OPHN1: variants seen among roughly 807,000 people sequenced by gnomAD.
The protein encoded by OPHN1 is oligophrenin-1.
In OPHN1, 11 loss-of-function variants were observed where a neutral mutation model predicts 60.7. The ratio of observed to expected loss-of-function variants is 0.18; its 90% CI spans 0.11 to 0.30. OPHN1 has a LOEUF of 0.30. Among genes scored for constraint, OPHN1 ranks in the 10% least tolerant of loss-of-function variants. The pLI, the probability that OPHN1 is intolerant of heterozygous loss-of-function variation, is 1.00. For synonymous variants in OPHN1, 226 were observed against 222.6 expected (o/e 1.02, Z -0.14); for missense variants, 449 against 611.0 (o/e 0.73, Z 2.80).
At chrX:68,410,548 T>C (rs2078764235) in intron 2 of OPHN1, among the ~76,000 whole-genome samples, 1 of 103,785 alleles carries the variant, frequency 9.6e-6, no homozygotes, top group South Asian at 4.3e-4. Flanking sequence ...GATGACAGAC[T>C]GAGACTCCAC....
chrX:68,219,562 G>C (rs376463542), intron 6 of OPHN1, among the ~76,000 whole-genome samples: 1 of 110,071 alleles, frequency 9.1e-6, no homozygotes, highest in African/African-American at 3.3e-5. Flanking sequence ...TAAAAGAACA[G>C]AAATTATAAC....
chrX:68,410,054 C>T (rs1014598578), intron 2 of OPHN1, among the ~76,000 whole-genome samples: 4 of 111,707 alleles, frequency 3.6e-5, no homozygotes, highest in African/African-American at 1.3e-4. Context: ...GCAAATCCAA[C>T]ATTTTTATGA....
At chrX:68,087,009 A>T (rs2076998325) in intron 19 of OPHN1, among the ~76,000 whole-genome samples, 2 of 112,461 alleles carry the variant, frequency 1.8e-5, no homozygotes, top group Middle Eastern at 4.2e-3. Flanking sequence ...TTTTAAGTTT[A>T]AAAATAACTC....
At chrX:68,098,444 A>G (rs1254944361) in intron 18 of OPHN1, among the ~76,000 whole-genome samples, 1 of 111,343 alleles carries the variant, frequency 9.0e-6, no homozygotes, top group Non-Finnish European at 1.9e-5. Flanking sequence ...TGACTACCCG[A>G]AACACTCACT....
At chrX:68,210,729 G>A (rs1269075010) in intron 8 of OPHN1, among the ~76,000 whole-genome samples, 3 of 111,909 alleles carry the variant, frequency 2.7e-5, no homozygotes, top group East Asian at 2.8e-4. Flanking sequence ...TAAAATATAC[G>A]AGAGGGTGCT....
At chrX:68,103,170 T>G (rs2077066870) in intron 18 of OPHN1, among the ~76,000 whole-genome samples, 1 of 111,710 alleles carries the variant, frequency 9.0e-6, no homozygotes, top group Non-Finnish European at 1.9e-5. Context: ...ATCAAAAAGC[T>G]TATCCACCAC....
chrX:68,212,297 C>T lies in OPHN1; in HGVS notation c.598-85G>A. ...GAAACATGAACTCACCAAAAAACTC[C>T]ATGGTGTGGCTGGGTGTGGTGGCTT... On this transcript the variant is annotated intron_variant, in intron 7 of 24. Coordinates refer to ENST00000355520, the MANE Select transcript of OPHN1 (RefSeq NM_002547.3). 5.9e-6 allele frequency: 4 copies of T among 674,100 alleles called. 1 individual carries two copies. Among genetic ancestry groups the T allele is most frequent in the Admixed American group, 5.3e-5 (2 of 37,463 alleles). 55.6% of individuals were successfully genotyped at this position (674,100 alleles called of 1,213,427 possible).
chrX:68,379,907 G>T (rs1473805634), intron 2 of OPHN1, among the ~76,000 whole-genome samples: 1 of 109,099 alleles, frequency 9.2e-6, no homozygotes, highest in Non-Finnish European at 1.9e-5. Context: ...TTGTGTCTCT[G>T]CCCGGCTTTG....
intron 15 of OPHN1, among the ~76,000 whole-genome samples, chrX:68,131,321 C>G: frequency 9.1e-6 from 1 of 109,426 alleles, no homozygotes; most frequent in Middle Eastern, 4.2e-3. Flanking sequence ...CAGGTTCAAG[C>G]GATTCTCGTG....
intron 16 of OPHN1, among the ~76,000 whole-genome samples, chrX:68,117,706 G>A (rs1276740429): frequency 8.9e-6 from 1 of 111,763 alleles, no homozygotes; most frequent in Non-Finnish European, 1.9e-5. Context: ...TAGTTACCTA[G>A]AACAGAGTGT....
intron 15 of OPHN1, among the ~76,000 whole-genome samples, chrX:68,163,315 T>C (rs1287637257): frequency 9.0e-6 from 1 of 111,168 alleles, no homozygotes; most frequent in East Asian, 2.8e-4. Context: ...CACATATAAA[T>C]GAGATCATGC....
At chrX:68,097,458 G>A (rs942105809) in intron 18 of OPHN1, among the ~76,000 whole-genome samples, 2 of 110,959 alleles carry the variant, frequency 1.8e-5, no homozygotes, top group African/African-American at 6.6e-5. Flanking sequence ...CCTGACCCCC[G>A]TTAGAGAAGC....
intron 5 of OPHN1, among the ~76,000 whole-genome samples, chrX:68,269,763 C>T (rs2077956245): frequency 8.9e-6 from 1 of 111,898 alleles, no homozygotes; most frequent in Non-Finnish European, 1.9e-5. Flanking sequence ...TCAAGAGCTG[C>T]TGCACAGCAA....
intron 4 of OPHN1, 138 bp from the exon 5 acceptor site, chrX:68,274,947 C>T: frequency 2.3e-6 from 1 of 435,663 alleles, no homozygotes; most frequent in South Asian, 3.1e-5. Context: ...GGTTTTGTTA[C>T]TGTTTGTTTC....
chrX:68,279,665 A>C (rs1030376254), intron 4 of OPHN1, among the ~76,000 whole-genome samples: 2 of 111,635 alleles, frequency 1.8e-5, no homozygotes, highest in Non-Finnish European at 3.8e-5. Flanking sequence ...AAAGCCAGGA[A>C]ATGGAAAAGT....
At chrX:68,246,197 C>A (rs2077805073) in intron 5 of OPHN1, among the ~76,000 whole-genome samples, 1 of 111,957 alleles carries the variant, frequency 8.9e-6, no homozygotes, top group African/African-American at 3.2e-5. Flanking sequence ...TCCTGAGGTA[C>A]CATACCTCCG....
intron 5 of OPHN1, among the ~76,000 whole-genome samples, chrX:68,247,958 G>A (rs1422440289): frequency 9.0e-6 from 1 of 111,105 alleles, no homozygotes; most frequent in Non-Finnish European, 1.9e-5. Flanking sequence ...AGGCTCCACC[G>A]ATTGTCCCCC....
chrX:68,420,560 CATTCATAAATGG>C (rs1308242716), intron 2 of OPHN1, among the ~76,000 whole-genome samples: 6 of 111,750 alleles, frequency 5.4e-5, no homozygotes, highest in Non-Finnish European at 1.1e-4. Flanking sequence ...GCTTCTTCCT[CATTCATAAATGG>C]ATTCTCTAGA....
Position 68,210,424 on chromosome X carries a change from T to G in OPHN1, c.703-142A>C, listed in dbSNP as rs745571936. 138 of 590,503 alleles carry G rather than the reference T, an allele frequency of 2.3e-4. No individual in the cohort carries two copies. In the African/African-American group the frequency reaches 2.9e-3, roughly 12 times the overall value. The allele number at this position is 590,503 out of a possible 1,213,427, so 48.7% of individuals were successfully genotyped here. On this transcript the variant is annotated intron_variant, in intron 8 of 24. Transcript: ENST00000355520. The stretch of plus-strand genomic sequence containing the variant: ...GCAAAAAAAGAAATGGTGAATGGCA[T>G]AGTGAATGGAAAACAAGTTTATAGA...
Sources: allele counts gnomAD v4.1 joint callset (sites outside exome capture counted in the v4.1 genomes callset), GRCh38; gene constraint gnomAD v4.1.1; transcripts MANE v1.5; gene names NCBI Gene and HGNC (gene_info 2026-07-23, HGNC 2026-07-21).